MEI4: variants seen among roughly 807,000 people sequenced by gnomAD.
MEI4 encodes the protein meiosis-specific protein MEI4.
MEI4 carries 27 observed loss-of-function variants against 31.4 expected under a neutral mutation model. The observed-to-expected ratio is 0.86, with a 90% CI of 0.63 to 1.19. The LOEUF is 1.19. MEI4 is among the 50% of genes most tolerant of loss of function. The pLI, the probability that MEI4 is intolerant of heterozygous loss-of-function variation, is 0.00. For missense variants in MEI4, 329 were observed against 398.9 expected (o/e 0.82, Z 1.49); for synonymous variants, 122 against 145.4 (o/e 0.84, Z 1.16).
At position 77,690,803 on chromosome 6, in the gene MEI4, G is replaced by A; in HGVS notation, c.132G>A (p.Gln44=). 8.1e-7 allele frequency: 1 copy of A among 1,231,680 alleles called. No homozygotes were observed. Among genetic ancestry groups the A allele is most frequent in the Non-Finnish European group, 1.0e-6 (1 of 987,472 alleles). 76.3% of individuals were successfully genotyped at this position (1,231,680 alleles called of 1,614,324 possible). Residue 44 remains glutamine (Q), a synonymous_variant, in exon 2 of 5, where the codon CAG becomes CAA. Transcript: ENST00000684080. The part of the protein sequence containing the change: ...EHLAMLLSEE[Q]SKWRSKVEIL... ...TTGCTATGTTGCTGTCTGAGGAGCA[G>A]TCAAAATGGAGATCAAAAGTTGAAA...
chr6:77,804,461 C>G lies in MEI4; in HGVS notation c.769-24470C>G, dbSNP rs6939428. On this transcript the variant is annotated intron_variant, in intron 3 of 4. Coordinates refer to ENST00000684080, the MANE Select transcript of MEI4 (RefSeq NM_001322247.2). ...CACTCAGTGCGCTGCACCCACTGTC[C>G]TGCACCCACTTTCCGACACTCGCCA... Among the ~76,000 whole-genome samples, 1,394 of 152,248 alleles carry G rather than the reference C, an allele frequency of 9.2e-3. 17 individuals carry two copies. The highest frequency in any genetic ancestry group is 0.031 in the African/African-American group (1,290 of 41,544).
chr6:77,842,196 G>A (rs1770382061), intron 4 of MEI4, among the ~76,000 whole-genome samples: 1 of 152,054 alleles, frequency 6.6e-6, no homozygotes, highest in Non-Finnish European at 1.5e-5. Flanking sequence ...AAGATTTAAA[G>A]AATCATACAT....
intron 3 of MEI4, among the ~76,000 whole-genome samples, chr6:77,806,635 C>A (rs1769448335): frequency 1.3e-5 from 2 of 152,068 alleles, no homozygotes; most frequent in Admixed American, 6.6e-5. Flanking sequence ...AATGGAGGAA[C>A]TTCTAGAGCA....
At chr6:77,805,444 G>A (rs900376136) in intron 3 of MEI4, among the ~76,000 whole-genome samples, 9 of 152,050 alleles carry the variant, frequency 5.9e-5, no homozygotes, top group African/African-American at 2.2e-4. Flanking sequence ...AATCTTTTAT[G>A]TAAGATCAAC....
At chr6:77,680,139 C>T (rs960554028) in intron 1 of MEI4, among the ~76,000 whole-genome samples, 1 of 33,378 alleles carries the variant, frequency 3.0e-5, no homozygotes, top group African/African-American at 1.2e-4. Context: ...ATTAGCTGGG[C>T]GTGATGGCGG....
chr6:77,780,419 G>C (rs1768563468), intron 3 of MEI4, among the ~76,000 whole-genome samples: 1 of 152,104 alleles, frequency 6.6e-6, no homozygotes, highest in South Asian at 2.1e-4. Context: ...AATGTCCGCA[G>C]GGCCAGCTAG....
intron 2 of MEI4, among the ~76,000 whole-genome samples, chr6:77,746,828 G>T (rs1446285918): frequency 6.6e-6 from 1 of 151,970 alleles, no homozygotes; most frequent in Non-Finnish European, 1.5e-5. Context: ...GTGACAGGAG[G>T]GATAGCCACA....
At chr6:77,909,282 A>G (rs1417027367) in intron 4 of MEI4, among the ~76,000 whole-genome samples, 1 of 152,178 alleles carries the variant, frequency 6.6e-6, no homozygotes, top group East Asian at 1.9e-4. Context: ...GGTTTTTTGA[A>G]AAGATCAACA....
At chr6:77,716,299 C>A (rs1766581538) in intron 2 of MEI4, among the ~76,000 whole-genome samples, 1 of 152,080 alleles carries the variant, frequency 6.6e-6, no homozygotes, top group South Asian at 2.1e-4. Flanking sequence ...ATTAGTCAAT[C>A]AGGATAGCTG....
intron 3 of MEI4, among the ~76,000 whole-genome samples, chr6:77,762,042 G>A (rs1049532278): frequency 2.6e-5 from 4 of 152,162 alleles, no homozygotes; most frequent in African/African-American, 9.6e-5. Flanking sequence ...CAAACTTAAC[G>A]TCTGTGAGTG....
At chr6:77,910,318 C>T (rs553298474) in intron 4 of MEI4, among the ~76,000 whole-genome samples, 1 of 152,290 alleles carries the variant, frequency 6.6e-6, no homozygotes, top group Non-Finnish European at 1.5e-5. Context: ...CCCATTGTCT[C>T]AGCCCAAAAT....
At chr6:77,714,364 G>A (rs1766534036) in intron 2 of MEI4, among the ~76,000 whole-genome samples, 1 of 152,080 alleles carries the variant, frequency 6.6e-6, no homozygotes, top group South Asian at 2.1e-4. Flanking sequence ...ATGAATGTCT[G>A]AAACAATACT....
chr6:77,683,018 T>A (rs1284903928), intron 1 of MEI4, among the ~76,000 whole-genome samples: 1 of 152,166 alleles, frequency 6.6e-6, no homozygotes, highest in Non-Finnish European at 1.5e-5. Flanking sequence ...TCGGTTGAAG[T>A]TATGTTTAAT....
intron 2 of MEI4, among the ~76,000 whole-genome samples, chr6:77,748,406 C>T (rs917042685): frequency 6.6e-6 from 1 of 152,216 alleles, no homozygotes; most frequent in Non-Finnish European, 1.5e-5. Flanking sequence ...GGGGTTTACA[C>T]CCACTGAAGC....
chr6:77,780,206 G>A (rs941125958), intron 3 of MEI4, among the ~76,000 whole-genome samples: 2 of 152,066 alleles, frequency 1.3e-5, no homozygotes, highest in Non-Finnish European at 1.5e-5. Flanking sequence ...GGCTGAAGGC[G>A]GCCTAATCCT....
At chr6:77,869,112 TGCAGTAA>T (rs1562019619) in intron 4 of MEI4, among the ~76,000 whole-genome samples, 1 of 152,130 alleles carries the variant, frequency 6.6e-6, no homozygotes, top group Non-Finnish European at 1.5e-5. Flanking sequence ...ATGGGAATAT[TGCAGTAA>T]GCAAAGCAAA....
chr6:77,802,967 G>A lies in MEI4; in HGVS notation c.769-25964G>A, dbSNP rs183831744. Among the ~76,000 whole-genome samples the A allele has an allele frequency of 1.6e-3, 245 of 152,064 alleles. 1 individual carries two copies. The highest frequency in any genetic ancestry group is 4.5e-3 in the African/African-American group (188 of 41,480). ...TATGTGTCTTGGAGTTGCTCTTCTC[G>A]AGGAGTATCTTTGTGGCATTCTCTG... On this transcript the variant is annotated intron_variant, in intron 3 of 4. Transcript: ENST00000684080.
chr6:77,857,261 A>AT lies in MEI4; in HGVS notation c.900+28200dup, dbSNP rs796374141. On this transcript the variant is annotated intron_variant, in intron 4 of 4. Transcript: ENST00000684080. The stretch of plus-strand genomic sequence containing the variant: ...TTACTTAAAAGATCTAGAGAGGAGA[A>AT]TGTTTTAAAAATATGGATCTAATTT... Among the ~76,000 whole-genome samples the AT allele has an allele frequency of 5.6e-4, 85 of 152,326 alleles. 2 individuals are homozygous for AT. The highest frequency in any genetic ancestry group is 2.0e-3 in the African/African-American group (83 of 41,590).
intron 2 of MEI4, among the ~76,000 whole-genome samples, chr6:77,752,436 G>A (rs964989726): frequency 2.6e-5 from 4 of 152,130 alleles, no homozygotes; most frequent in East Asian, 1.9e-4. Context: ...AAATCAATGT[G>A]CAAAAATCAC....
Sources: allele counts gnomAD v4.1 joint callset (sites outside exome capture counted in the v4.1 genomes callset), GRCh38; gene constraint gnomAD v4.1.1; transcripts MANE v1.5; gene names NCBI Gene and HGNC (gene_info 2026-07-23, HGNC 2026-07-21).